PPARGC1A: variants seen among roughly 807,000 people sequenced by gnomAD.
PPARGC1A encodes PPARG coactivator 1 alpha.
In PPARGC1A, 25 loss-of-function variants were observed where a neutral mutation model predicts 88.7. The observed-to-expected ratio is 0.28, with a 90% CI of 0.21 to 0.39. The LOEUF (loss-of-function observed/expected upper bound fraction) is 0.39, where lower values mean the gene tolerates loss of function less well. Among genes scored for constraint, PPARGC1A ranks in the 10% least tolerant of loss-of-function variants. The probability of loss-of-function intolerance (pLI) is 1.00; values close to 1 mark genes in which losing one functional copy is unlikely to be tolerated. For missense variants in PPARGC1A, 880 were observed against 968.7 expected (o/e 0.91, Z 1.22); for synonymous variants, 363 against 355.6 (o/e 1.02, Z -0.24).
At chr4:23,907,274 C>T (rs533267249), upstream of PPARGC1A, among the ~76,000 whole-genome samples, 97 of 152,142 alleles carry the variant, frequency 6.4e-4, no homozygotes, top group Non-Finnish European at 9.6e-4. Context: ...AACCGAGTAG[C>T]AATGAAAGTT....
intron 7 of PPARGC1A, among the ~76,000 whole-genome samples, chr4:23,819,983 GC>G (rs1467547987): frequency 5.3e-5 from 8 of 152,140 alleles, no homozygotes; most frequent in Non-Finnish European, 1.2e-4. Context: ...AAAGGCTACA[GC>G]CGTTTGTCAA....
At chr4:24,452,941 T>C in the PPARGC1A span, among the ~76,000 whole-genome samples, 1 of 152,216 alleles carries the variant, frequency 6.6e-6, no homozygotes, top group Admixed American at 6.5e-5. Flanking sequence ...AGGAAATTCA[T>C]GTTGAAGTCT....
At chr4:23,866,694 A>T (rs1712068451) in intron 2 of PPARGC1A, among the ~76,000 whole-genome samples, 1 of 152,220 alleles carries the variant, frequency 6.6e-6, no homozygotes, top group South Asian at 2.1e-4. Context: ...GAATTATCTT[A>T]AATACGACCA....
chr4:24,108,663 A>G, the PPARGC1A span, among the ~76,000 whole-genome samples: 1 of 152,096 alleles, frequency 6.6e-6, no homozygotes, highest in Admixed American at 6.5e-5. Context: ...AGAAAGATCA[A>G]ATAACTTGTA....
At chr4:23,898,295 C>A (rs2148873606) in intron 1 of PPARGC1A, among the ~76,000 whole-genome samples, 1 of 152,244 alleles carries the variant, frequency 6.6e-6, no homozygotes, top group East Asian at 1.9e-4. Flanking sequence ...ATAGCGTTAC[C>A]TTTTCAACTT....
the PPARGC1A span, among the ~76,000 whole-genome samples, chr4:24,096,491 G>A: frequency 6.6e-6 from 1 of 152,122 alleles, no homozygotes; most frequent in African/African-American, 2.4e-5. Context: ...CCACTTTGTA[G>A]TACTTTGTTA....
the PPARGC1A span, among the ~76,000 whole-genome samples, chr4:24,145,078 AGTGTGTGTGT>A: frequency 0.12 from 16,910 of 144,258 alleles, 1,336 homozygotes; most frequent in African/African-American, 0.23. Flanking sequence ...GTGTTGAATG[AGTGTGTGTGT>A]GTGTGTGTGT....
the PPARGC1A span, among the ~76,000 whole-genome samples, chr4:24,114,254 C>CAG: frequency 6.6e-6 from 1 of 152,132 alleles, no homozygotes; most frequent in East Asian, 1.9e-4. Context: ...CAGTGAACCA[C>CAG]TGTTAGCTGG....
the PPARGC1A span, among the ~76,000 whole-genome samples, chr4:24,335,583 G>A: frequency 2.0e-5 from 3 of 152,108 alleles, 1 homozygote; most frequent in East Asian, 5.8e-4. Context: ...ATACCTCAAA[G>A]CCACCCCCGA....
chr4:23,970,555 G>A, the PPARGC1A span, among the ~76,000 whole-genome samples: 4 of 152,162 alleles, frequency 2.6e-5, no homozygotes, highest in Non-Finnish European at 5.9e-5. Flanking sequence ...TAGGTAACGG[G>A]GTTGGGAAGT....
chr4:24,411,032 T>C, the PPARGC1A span, among the ~76,000 whole-genome samples: 3 of 152,202 alleles, frequency 2.0e-5, no homozygotes, highest in Non-Finnish European at 4.4e-5. Flanking sequence ...TGAAATCATA[T>C]ATATGTTTGG....
chr4:24,381,844 T>G, the PPARGC1A span, among the ~76,000 whole-genome samples: 1 of 152,228 alleles, frequency 6.6e-6, no homozygotes, highest in Non-Finnish European at 1.5e-5. Context: ...AATCCACTTT[T>G]ATAGTACAAA....
At chr4:23,903,124 G>A (rs1369149332), upstream of PPARGC1A, among the ~76,000 whole-genome samples, 3 of 152,114 alleles carry the variant, frequency 2.0e-5, no homozygotes, top group African/African-American at 4.8e-5. Context: ...CTACACTGGG[G>A]GAAAGATTAG....
At chr4:24,416,639 G>A in the PPARGC1A span, among the ~76,000 whole-genome samples, 4 of 152,180 alleles carry the variant, frequency 2.6e-5, no homozygotes, top group Admixed American at 6.5e-5. Context: ...TCTAACTGTC[G>A]ATAGGAAGCA....
the PPARGC1A span, among the ~76,000 whole-genome samples, chr4:24,040,331 C>T: frequency 6.6e-6 from 1 of 152,300 alleles, no homozygotes; most frequent in Admixed American, 6.5e-5. Flanking sequence ...TCATCACTGA[C>T]CTCCATTCTG....
At chr4:23,917,674 T>C in the PPARGC1A span, among the ~76,000 whole-genome samples, 1 of 152,218 alleles carries the variant, frequency 6.6e-6, no homozygotes, top group South Asian at 2.1e-4. Flanking sequence ...GGTAGGTACT[T>C]AATCAATGTT....
At chr4:24,377,436 T>C in the PPARGC1A span, among the ~76,000 whole-genome samples, 1 of 152,080 alleles carries the variant, frequency 6.6e-6, no homozygotes, top group Non-Finnish European at 1.5e-5. Flanking sequence ...TGCATAAATA[T>C]GCATCAACCC....
At chr4:23,884,956 T>C in intron 1 of PPARGC1A, 25 bp from the exon 2 acceptor site, 1 of 1,516,144 alleles carries the variant, frequency 6.6e-7, no homozygotes, top group Non-Finnish European at 8.8e-7. Flanking sequence ...AAAAAAAAAT[T>C]TAAAAAAGCT....
chr4:24,038,601 C>A, the PPARGC1A span, among the ~76,000 whole-genome samples: 3 of 152,154 alleles, frequency 2.0e-5, no homozygotes, highest in African/African-American at 7.2e-5. Flanking sequence ...TGAAACCACT[C>A]CTAGTGTTAT....
Sources: gnomAD v4.1 joint callset for allele counts (sites outside exome capture counted in the v4.1 genomes callset) on GRCh38, gnomAD v4.1.1 for gene constraint, MANE v1.5 for transcripts, NCBI Gene and HGNC (gene_info 2026-07-23, HGNC 2026-07-21) for gene names.